The following SCN7A variants were observed in gnomAD, a reference collection of about 807,000 sequenced individuals.
SCN7A encodes the protein sodium channel protein type 7 subunit alpha.
SCN7A carries 138 observed loss-of-function variants against 155.2 expected under a neutral mutation model. That is an observed-to-expected ratio of 0.89 (90% confidence interval 0.77 to 1.02). SCN7A has a LOEUF of 1.02. Ranked by LOEUF, SCN7A falls within the 50% of genes least tolerant of loss-of-function variation. SCN7A has a pLI of 0.00. For missense variants in SCN7A, 2,058 were observed against 1,986.6 expected, an observed-to-expected ratio of 1.04 and a Z score of -0.68; for synonymous variants, 693 against 649.0, an observed-to-expected ratio of 1.07 and a Z score of -1.03.
chr2:166,478,475 T>C (rs1702850343), intron 2 of SCN7A, among the ~76,000 whole-genome samples: 2 of 151,840 alleles, frequency 1.3e-5, no homozygotes, highest in Admixed American at 6.6e-5. Flanking sequence ...CATGTGAATA[T>C]TTCCCAAATG....
At chr2:166,487,098 AC>A (rs1339154879) in intron 1 of SCN7A, 130 bp from the exon 2 acceptor site, 2 of 152,116 alleles carry the variant, frequency 1.3e-5, no homozygotes, top group Non-Finnish European at 1.5e-5. Flanking sequence ...CTCCTTTCCA[AC>A]CCATCCAATC....
intron 21 of SCN7A, chr2:166,414,592 C>A (rs1380882077): frequency 1.4e-5 from 2 of 142,682 alleles, no homozygotes; most frequent in African/African-American, 2.6e-5. Flanking sequence ...AAAAAAAGAA[C>A]CATTTGGGTA....
chr2:166,485,541 G>C (rs1034898781), intron 2 of SCN7A, among the ~76,000 whole-genome samples: 2 of 152,094 alleles, frequency 1.3e-5, no homozygotes, highest in Non-Finnish European at 2.9e-5. Context: ...ACGAATCACT[G>C]GGAATAAGAT....
At chr2:166,460,216 T>C (rs1331193261) in intron 10 of SCN7A, among the ~76,000 whole-genome samples, 2 of 152,160 alleles carry the variant, frequency 1.3e-5, no homozygotes, top group African/African-American at 2.4e-5. Context: ...CCTATTTCTT[T>C]TGTAGAGGGA....
chr2:166,456,891 T>C lies in SCN7A; in HGVS notation c.1269A>G (p.Gln423=), dbSNP rs943572444. 1.3e-6 allele frequency: 2 copies of C among 1,545,678 alleles called. No homozygotes were observed. Among genetic ancestry groups the C allele is most frequent in the Admixed American group, 2.0e-5 (1 of 51,024 alleles). ...ATACCTCATCTGTTTCATTTCCTTC[T>C]TGAAGTTCTTTTCCAGTCTGTTGAA... ...PKFQQTGKEL[Q]EGNETDEAKT... The change falls in exon 11 of 26, where the codon CAA becomes CAG. Residue 423 remains glutamine, a synonymous_variant. Transcript: ENST00000643258.
rs766603921 is a variant in SCN7A at position 166,444,875 on chromosome 2, G to A, written c.1513C>T (p.Pro505Ser). Reference sequence around the variant, plus strand: ...ATGATAAGGAAAAGATCAGTAAATGGTGCCATTATAATCCTATGGACAAAC... The same window carrying A: ...ATGATAAGGAAAAGATCAGTAAATGATGCCATTATAATCCTATGGACAAAC... ...KEFVHRIIMA[P>S]FTDLFLIICI... is the part of the protein sequence containing the mutation. Residue 505 changes from proline (P) to serine (S), a missense_variant, in exon 13 of 26, where the codon CCA becomes TCA. Pro to Ser is a moderately conservative substitution (Grantham distance 74). Coordinates refer to ENST00000643258, the MANE Select transcript of SCN7A (RefSeq NM_002976.4). 17 of 1,612,054 alleles carry A rather than the reference G, an allele frequency of 1.1e-5. No homozygotes were observed. The South Asian group carries it at 1.8e-4, about 17-fold the overall frequency.
intron 21 of SCN7A, among the ~76,000 whole-genome samples, chr2:166,414,130 T>TGTA (rs1378696359): frequency 7.3e-5 from 5 of 68,772 alleles, no homozygotes; most frequent in Admixed American, 2.0e-4. Flanking sequence ...TAATATATTA[T>TGTA]ATATATGTAA....
At chr2:166,491,996 C>A (rs749526691) in intron 1 of SCN7A, among the ~76,000 whole-genome samples, 19 of 151,946 alleles carry the variant, frequency 1.3e-4, no homozygotes, top group Non-Finnish European at 2.1e-4. Context: ...TTCCCAATCC[C>A]TGAGTAAGGG....
At chr2:166,441,127 A>G (rs183954275) in intron 15 of SCN7A, 91 of 435,284 alleles carry the variant, frequency 2.1e-4, no homozygotes, top group African/African-American at 1.7e-3. Flanking sequence ...TATTATCATT[A>G]AAAAATGCAT....
intron 25 of SCN7A, 87 bp downstream of exon 25, chr2:166,409,578 T>G: frequency 9.7e-7 from 1 of 1,028,458 alleles, no homozygotes; most frequent in Admixed American, 3.3e-5. Flanking sequence ...GATTTTGAAA[T>G]GTAGGAGACT....
intron 3 of SCN7A, among the ~76,000 whole-genome samples, chr2:166,475,147 C>CAT (rs1702769067): frequency 9.9e-6 from 1 of 101,312 alleles, no homozygotes; most frequent in South Asian, 3.2e-4. Flanking sequence ...TACACACACA[C>CAT]ACATTCAGTG....
chr2:166,493,091 T>C (rs201442781), intron 1 of SCN7A, among the ~76,000 whole-genome samples: 1 of 152,334 alleles, frequency 6.6e-6, no homozygotes, highest in East Asian at 1.9e-4. Context: ...GCAGGTATGG[T>C]GCCCAGGATT....
At chr2:166,453,004 C>T (rs554048934) in intron 11 of SCN7A, among the ~76,000 whole-genome samples, 1 of 152,204 alleles carries the variant, frequency 6.6e-6, no homozygotes, top group African/African-American at 2.4e-5. Context: ...TTGAAACAGC[C>T]ATGCGTTCTT....
At chr2:166,467,920 T>G (rs1000280074) in intron 7 of SCN7A, among the ~76,000 whole-genome samples, 3 of 151,926 alleles carry the variant, frequency 2.0e-5, no homozygotes, top group Non-Finnish European at 4.4e-5. Flanking sequence ...ATATTCTCCT[T>G]ATTATTCACT....
chr2:166,431,816 A>G lies in SCN7A; in HGVS notation c.2592+502T>C, dbSNP rs1701737349. Among the ~76,000 whole-genome samples the G allele has an allele frequency of 1.3e-5, 2 of 152,062 alleles. 1 individual carries two copies. The highest frequency in any genetic ancestry group is 1.3e-4 in the Admixed American group (2 of 15,244). ...TCCAAATATGGGCAGAAATGATCTGATTCAAATCTTAGAATTTTAGCAAGC... is the reference window on the plus strand; with the variant it reads ...TCCAAATATGGGCAGAAATGATCTGGTTCAAATCTTAGAATTTTAGCAAGC... On this transcript the variant is annotated intron_variant, in intron 16 of 25. Transcript: ENST00000643258.
intron 3 of SCN7A, among the ~76,000 whole-genome samples, chr2:166,476,333 C>G (rs1702796709): frequency 6.6e-6 from 1 of 151,868 alleles, no homozygotes; most frequent in African/African-American, 2.4e-5. Context: ...TTCCTTGTCA[C>G]CCATTTGATA....
At position 166,468,755 on chromosome 2, in the gene SCN7A, C is replaced by T. The variant is rs148662125; in HGVS notation, c.664+1860G>A. ...GAACTCTTGTATAGCTGAGAACATA[C>T]ATTTGTTGACTACACATACAAATGA... On this transcript the variant is annotated intron_variant, in intron 7 of 25. Transcript: ENST00000643258. Among the ~76,000 whole-genome samples the T allele has an allele frequency of 7.9e-5, 12 of 151,926 alleles. No homozygotes were observed. The East Asian group carries it at 1.6e-3, about 20-fold the overall frequency.
At chr2:166,415,360 G>A (rs1701353290) in intron 21 of SCN7A, among the ~76,000 whole-genome samples, 2 of 151,676 alleles carry the variant, frequency 1.3e-5, no homozygotes, top group Admixed American at 1.3e-4. Flanking sequence ...AAGTAGCTGG[G>A]ACTACAGGTA....
At chr2:166,493,015 T>G (rs1040756931) in intron 1 of SCN7A, among the ~76,000 whole-genome samples, 1 of 152,218 alleles carries the variant, frequency 6.6e-6, no homozygotes, top group Non-Finnish European at 1.5e-5. Flanking sequence ...AGCAAATTAC[T>G]CCTTATAGGT....
Sources: gnomAD v4.1 joint callset for allele counts (sites outside exome capture counted in the v4.1 genomes callset) on GRCh38, gnomAD v4.1.1 for gene constraint, MANE v1.5 for transcripts, NCBI Gene and HGNC (gene_info 2026-07-23, HGNC 2026-07-21) for gene names.